WASHC2A: variants seen among roughly 807,000 people sequenced by gnomAD.
The protein encoded by WASHC2A is WASH complex subunit 2A.
Under a neutral mutation model 140.3 loss-of-function variants are expected in WASHC2A, and 82 were observed. The observed-to-expected ratio is 0.58, with a 90% CI of 0.49 to 0.70. WASHC2A has a LOEUF of 0.70. Among genes scored for constraint, WASHC2A ranks in the 30% least tolerant of loss-of-function variants. The pLI is 0.00. For missense variants in WASHC2A, 985 were observed against 1,521.8 expected (o/e 0.65, Z 5.87); for synonymous variants, 340 against 560.8 (o/e 0.61, Z 5.56).
At chr10:50,115,441 A>G (rs1842595442) in intron 21 of WASHC2A, among the ~76,000 whole-genome samples, 1 of 120,144 alleles carries the variant, frequency 8.3e-6, no homozygotes, top group South Asian at 3.0e-4. Context: ...CATTTCTGTT[A>G]TATAGAAAAT....
At chr10:50,088,621 T>C (rs1839603466) in intron 8 of WASHC2A, among the ~76,000 whole-genome samples, 1 of 134,038 alleles carries the variant, frequency 7.5e-6, no homozygotes, top group African/African-American at 2.8e-5. Flanking sequence ...TGAGGTGGTA[T>C]AGAGTTATGT....
chr10:50,127,846 C>G (rs1843570080), intron 28 of WASHC2A, 51 bp downstream of exon 28: 4 of 794,946 alleles, frequency 5.0e-6, no homozygotes, highest in Non-Finnish European at 8.5e-6. Context: ...CCAGAACATG[C>G]ATATGCTTCT....
rs1170523627 is a variant in WASHC2A at position 50,081,186 on chromosome 10, C to G, written c.528+255C>G. Among the ~76,000 whole-genome samples the G allele has an allele frequency of 7.9e-5, 11 of 139,580 alleles. No individual in the cohort carries two copies. The Admixed American group carries it at 8.3e-4, about 11-fold the overall frequency. 91.6% of individuals were successfully genotyped at this position (139,580 alleles called of 152,430 possible). A position where few individuals can be genotyped will look rare whatever the true frequency, so the allele number is the denominator to read the frequency against. On this transcript the variant is annotated intron_variant, in intron 5 of 30. Transcript: ENST00000282633. ...CTACTCTCGAGGTGTGTGTTGCAGTCTGGTGGGAGAGAGGAGACATACATA... is the reference window on the plus strand; with the variant it reads ...CTACTCTCGAGGTGTGTGTTGCAGTGTGGTGGGAGAGAGGAGACATACATA...
intron 8 of WASHC2A, among the ~76,000 whole-genome samples, chr10:50,088,613 A>T (rs1451779619): frequency 1.5e-5 from 2 of 137,462 alleles, no homozygotes; most frequent in East Asian, 4.2e-4. Flanking sequence ...CTTCAGAATG[A>T]GGTGGTATAG....
chr10:50,125,487 A>G lies in WASHC2A; in HGVS notation c.2688+38A>G, dbSNP rs1294539482. On this transcript the variant is annotated intron_variant, in intron 25 of 30. Transcript: ENST00000282633. ...TGTTCTCAATACTGGGTTGTGTGGGAAAGATTCTGGGAAAGGAAACTAACG... is the reference window on the plus strand; with the variant it reads ...TGTTCTCAATACTGGGTTGTGTGGGGAAGATTCTGGGAAAGGAAACTAACG... 4 of 1,610,100 alleles carry G rather than the reference A, an allele frequency of 2.5e-6. No homozygotes were observed. The Admixed American group carries it at 5.0e-5, about 20-fold the overall frequency.
chr10:50,080,242 AATGACCCCCTTTTG>A (rs1439900355), intron 4 of WASHC2A, among the ~76,000 whole-genome samples: 1 of 152,140 alleles, frequency 6.6e-6, no homozygotes, highest in Non-Finnish European at 1.5e-5. Context: ...CGGAGATGAA[AATGACCCCCTTTTG>A]ATGTAGAACA....
intron 3 of WASHC2A, among the ~76,000 whole-genome samples, chr10:50,077,402 T>C (rs1476722239): frequency 6.6e-6 from 1 of 152,210 alleles, no homozygotes; most frequent in African/African-American, 2.4e-5. Context: ...ACACCAGGCT[T>C]AAATTGGGTA....
chr10:50,129,095 G>GAC (rs1442786577), intron 28 of WASHC2A, among the ~76,000 whole-genome samples: 1 of 152,106 alleles, frequency 6.6e-6, no homozygotes, highest in Non-Finnish European at 1.5e-5. Context: ...GGGGTTGTGA[G>GAC]ACAGAGAGCC....
intron 8 of WASHC2A, among the ~76,000 whole-genome samples, chr10:50,088,516 T>C (rs1421518367): frequency 6.6e-6 from 1 of 152,018 alleles, no homozygotes; most frequent in African/African-American, 2.4e-5. Context: ...CACTTCGCCC[T>C]CCCAGAGTAC....
At chr10:50,097,229 T>A (rs1275899887) in intron 15 of WASHC2A, among the ~76,000 whole-genome samples, 5 of 149,210 alleles carry the variant, frequency 3.4e-5, no homozygotes, top group African/African-American at 4.9e-5. Context: ...TTGAGTAGAC[T>A]GGTGGAATTA....
Position 50,106,461 on chromosome 10 carries a change from A to G in WASHC2A, c.1865A>G (p.Glu622Gly). Residue 622 changes from glutamate (E) to glycine (G), a missense_variant, in exon 19 of 31, where the codon GAG becomes GGG. Glu to Gly is a moderately conservative substitution (Grantham distance 98). Transcript: ENST00000282633. ...TCTGCCCTGTTGTTCAGCAGTGATGAGGAGGTGAGCTGAGGTTTCTGCTAA... is the reference window on the plus strand; with the variant it reads ...TCTGCCCTGTTGTTCAGCAGTGATGGGGAGGTGAGCTGAGGTTTCTGCTAA... The part of the protein sequence containing the change: ...KASALLFSSD[E>G]EDQWNIPASQ... The G allele has an allele frequency of 6.2e-7, 1 of 1,606,666 alleles. No homozygotes were observed. Among genetic ancestry groups the G allele is most frequent in the Non-Finnish European group, 8.5e-7 (1 of 1,177,710 alleles).
intron 20 of WASHC2A, among the ~76,000 whole-genome samples, chr10:50,113,055 C>G (rs1842412957): frequency 6.6e-6 from 1 of 152,084 alleles, no homozygotes; most frequent in Admixed American, 6.6e-5. Context: ...TTAAGAAAAC[C>G]ATTGAAGTAC....
intron 3 of WASHC2A, among the ~76,000 whole-genome samples, chr10:50,075,666 TTATGTA>T (rs1554877608): frequency 6.7e-6 from 1 of 149,268 alleles, no homozygotes; most frequent in Non-Finnish European, 1.5e-5. Context: ...TCATTGACTA[TTATGTA>T]TGAACGTTTG....
chr10:50,112,318 C>T (rs1224879689), intron 20 of WASHC2A: 4 of 755,776 alleles, frequency 5.3e-6, no homozygotes, highest in South Asian at 6.5e-5. Context: ...CTATTGTTCC[C>T]GAAGTTGTCT....
At chr10:50,068,364 C>G in intron 2 of WASHC2A, 137 bp downstream of exon 2, 1 of 1,185,498 alleles carries the variant, frequency 8.4e-7, no homozygotes, top group Non-Finnish European at 1.1e-6. Flanking sequence ...CCCGTTTAGC[C>G]CCCGAGAATG....
At chr10:50,132,770 C>T in intron 30 of WASHC2A, 36 bp from the exon 31 acceptor site, 2 of 1,612,040 alleles carry the variant, frequency 1.2e-6, no homozygotes, top group Non-Finnish European at 1.7e-6. Flanking sequence ...TTCTCCACCC[C>T]TCTTCAGCAA....
chr10:50,088,275 C>CT (rs1475358406), intron 8 of WASHC2A, among the ~76,000 whole-genome samples: 15 of 144,378 alleles, frequency 1.0e-4, no homozygotes, highest in South Asian at 6.8e-4. Context: ...ATTTTCTTTT[C>CT]TTTTTTTTGA....
intron 20 of WASHC2A, among the ~76,000 whole-genome samples, chr10:50,111,013 A>G (rs1426095231): frequency 6.8e-6 from 1 of 147,412 alleles, no homozygotes; most frequent in African/African-American, 2.5e-5. Flanking sequence ...CTGATAACCC[A>G]TAGCCAACCT....
intron 13 of WASHC2A, 150 bp from the exon 14 acceptor site, chr10:50,094,998 C>G (rs1554884230): frequency 6.7e-7 from 1 of 1,483,750 alleles, no homozygotes; most frequent in African/African-American, 1.4e-5. Context: ...GAAGAAAATA[C>G]TAAAGAATTT....
Sources: gnomAD v4.1 joint callset for allele counts (sites outside exome capture counted in the v4.1 genomes callset) on GRCh38, gnomAD v4.1.1 for gene constraint, MANE v1.5 for transcripts, NCBI Gene and HGNC (gene_info 2026-07-23, HGNC 2026-07-21) for gene names.